Variants in SLC6A2 observed in about 807,000 individuals in gnomAD.
The protein encoded by SLC6A2 is sodium-dependent noradrenaline transporter.
In SLC6A2, 26 loss-of-function variants were observed where a neutral mutation model predicts 71.7. The ratio of observed to expected loss-of-function variants is 0.36; its 90% CI spans 0.27 to 0.50. The LOEUF is 0.50. SLC6A2 is among the 20% of genes least tolerant of loss of function. SLC6A2 has a pLI of 0.96. For synonymous variants in SLC6A2, 363 were observed against 337.9 expected (o/e 1.07, Z -0.82); for missense variants, 581 against 803.9 (o/e 0.72, Z 3.35).
At chr16:55,678,606 T>A (rs901048918) in intron 4 of SLC6A2, among the ~76,000 whole-genome samples, 1 of 152,134 alleles carries the variant, frequency 6.6e-6, no homozygotes, top group Non-Finnish European at 1.5e-5. Flanking sequence ...TGTAACTTTA[T>A]GTGTAAAAGG....
At chr16:55,684,115 T>C (rs1399631159) in intron 4 of SLC6A2, among the ~76,000 whole-genome samples, 2 of 151,980 alleles carry the variant, frequency 1.3e-5, no homozygotes, top group South Asian at 2.1e-4. Flanking sequence ...CTGGGCAACA[T>C]GGCAAAACCC....
chr16:55,700,392 GA>G, intron 13 of SLC6A2, 86 bp downstream of exon 13: 2 of 1,182,012 alleles, frequency 1.7e-6, no homozygotes, highest in Middle Eastern at 2.8e-4. Context: ...TGGGGTGGGG[GA>G]AGGGACAGAA....
At chr16:55,686,570 G>A (rs36015) in intron 5 of SLC6A2, among the ~76,000 whole-genome samples, 2,372 of 152,246 alleles carry the variant, frequency 0.016, 28 homozygotes, top group South Asian at 0.03. Flanking sequence ...TGTCAATTTG[G>A]GAGAATCCTC....
intron 4 of SLC6A2, among the ~76,000 whole-genome samples, chr16:55,682,480 GT>G (rs1965304639): frequency 6.6e-6 from 1 of 152,166 alleles, no homozygotes; most frequent in South Asian, 2.1e-4. Flanking sequence ...GGATTGTTGG[GT>G]TTAGCAAGAA....
In SLC6A2 at chr16:55,702,472, C is replaced by T; in HGVS notation, c.*126C>T. On this transcript the variant is annotated 3_prime_UTR_variant, in exon 15 of 15. Transcript: ENST00000568943. ...AAGTTGTCCTTTCTGATCCTCTCTT[C>T]TTTTCCCATTTACAAATGATTTCGT... is the stretch of plus-strand genomic sequence containing the variant. 6.3e-7 allele frequency: 1 copy of T among 1,577,798 alleles called. No individual in the cohort carries two copies. Among genetic ancestry groups the T allele is most frequent in the Non-Finnish European group, 8.6e-7 (1 of 1,160,716 alleles).
chr16:55,693,919 C>A, intron 6 of SLC6A2, 91 bp from the exon 7 acceptor site: 1 of 871,886 alleles, frequency 1.1e-6, no homozygotes, highest in Non-Finnish European at 2.0e-6. Flanking sequence ...GGTCTCAGAG[C>A]ATCCCCAGGG....
rs556836182 is a variant in SLC6A2, at chr16:55,702,408, G to A, written c.*62G>A. On this transcript the variant is annotated 3_prime_UTR_variant, in exon 15 of 15. Transcript: ENST00000568943. ...TGTCCAGGTCACAGGCATCCGCTGC[G>A]CTCCCACCTCGGACACCATCTTGGG... is the stretch of plus-strand genomic sequence containing the variant. 279 of 1,614,004 alleles carry A rather than the reference G, an allele frequency of 1.7e-4. No individual in the cohort carries two copies. The highest frequency in any genetic ancestry group is 9.9e-4 in the Middle Eastern group (6 of 6,062).
chr16:55,697,306 A>T (rs1404124667), intron 9 of SLC6A2, among the ~76,000 whole-genome samples: 1 of 152,146 alleles, frequency 6.6e-6, no homozygotes, highest in African/African-American at 2.4e-5. Context: ...GGGAGAGGAG[A>T]GGAGAGTGGT....
intron 5 of SLC6A2, among the ~76,000 whole-genome samples, chr16:55,688,743 A>G (rs1965530260): frequency 6.6e-6 from 1 of 152,150 alleles, no homozygotes; most frequent in South Asian, 2.1e-4. Context: ...ACCTTGATCT[A>G]GGCAGCCATT....
At chr16:55,691,693 T>C (rs1314384053) in intron 5 of SLC6A2, among the ~76,000 whole-genome samples, 1 of 152,186 alleles carries the variant, frequency 6.6e-6, no homozygotes, top group East Asian at 1.9e-4. Context: ...ACTCTCACCC[T>C]GGGTTCTGAG....
chr16:55,702,877 G>A lies in SLC6A2; in HGVS notation c.*531G>A, dbSNP rs578178290. 1.0e-6 allele frequency: 1 copy of A among 990,846 alleles called. No individual in the cohort carries two copies. Among genetic ancestry groups the A allele is most frequent in the Admixed American group, 5.7e-5 (1 of 17,476 alleles). 61.4% of individuals were successfully genotyped at this position (990,846 alleles called of 1,614,324 possible). On this transcript the variant is annotated 3_prime_UTR_variant, in exon 15 of 15. Transcript: ENST00000568943. ...ACAGCCCTCTCATGTCTGAACCTCA[G>A]CCTGGGAGTTAGATTTATTTGTCTC...
At chr16:55,665,044 G>A (rs537019523) in intron 2 of SLC6A2, among the ~76,000 whole-genome samples, 17 of 152,288 alleles carry the variant, frequency 1.1e-4, no homozygotes, top group African/African-American at 3.6e-4. Context: ...TCTGCAAGGC[G>A]GGTGGACATA....
intron 14 of SLC6A2, among the ~76,000 whole-genome samples, 189 bp downstream of exon 14, chr16:55,702,123 G>T (rs989135530): frequency 1.1e-4 from 16 of 152,246 alleles, no homozygotes; most frequent in African/African-American, 3.9e-4. Flanking sequence ...CCTCAGGCTT[G>T]CCCTGTGACT....
chr16:55,677,454 T>C lies in SLC6A2; in HGVS notation c.644+5279T>C, dbSNP rs148435642. Among the ~76,000 whole-genome samples the C allele has an allele frequency of 4.0e-4, 61 of 152,292 alleles. No homozygotes were observed. In the East Asian group the frequency reaches 6.0e-3, roughly 15 times the overall value. ...AGTTAGCATTTGATTCCTCCGCTGATGTCTTCATGGCTAGTATGTCGGCCC... is the reference window on the plus strand; with the variant it reads ...AGTTAGCATTTGATTCCTCCGCTGACGTCTTCATGGCTAGTATGTCGGCCC... On this transcript the variant is annotated intron_variant, in intron 4 of 14. Transcript: ENST00000568943.
chr16:55,658,934 C>A (rs1364091718), intron 2 of SLC6A2, among the ~76,000 whole-genome samples: 1 of 152,138 alleles, frequency 6.6e-6, no homozygotes, highest in Non-Finnish European at 1.5e-5. Context: ...TTAAGCATGG[C>A]TGTTTGGGCC....
At chr16:55,675,537 G>T (rs140129450) in intron 4 of SLC6A2, among the ~76,000 whole-genome samples, 2 of 152,134 alleles carry the variant, frequency 1.3e-5, no homozygotes, top group African/African-American at 4.8e-5. Context: ...TGGCCTGGGG[G>T]CCGTGGTGTG....
intron 11 of SLC6A2, 64 bp from the exon 12 acceptor site, chr16:55,699,490 T>C (rs1227330696): frequency 3.1e-6 from 4 of 1,300,842 alleles, no homozygotes; most frequent in Middle Eastern, 1.9e-4. Flanking sequence ...CAGAACCTCA[T>C]GGGAGGACCT....
chr16:55,672,104 C>T lies in SLC6A2; in HGVS notation c.573C>T (p.Leu191=). ...NSPNCTDPKL[L]NGSVLGNHTK... is the part of the protein sequence containing the mutation. The stretch of plus-strand genomic sequence containing the variant: ...CCAACTGTACCGACCCCAAGCTCCT[C>T]AATGGCTCCGTGCTTGGCAACCACA... The change falls in exon 4 of 15, where the codon CTC becomes CTT. Residue 191 remains leucine (L), a synonymous_variant. Coordinates refer to ENST00000568943, the MANE Select transcript of SLC6A2 (RefSeq NM_001172501.3). The T allele has an allele frequency of 1.2e-6, 2 of 1,614,204 alleles. No individual in the cohort carries two copies. The highest frequency in any genetic ancestry group is 1.3e-5 in the African/African-American group (1 of 75,060).
chr16:55,702,288 C>T (rs778379468), intron 14 of SLC6A2, 35 bp from the exon 15 acceptor site: 60 of 1,611,428 alleles, frequency 3.7e-5, no homozygotes, highest in Non-Finnish European at 3.6e-5. Context: ...TCTGTCCCCA[C>T]CATGTCATCA....
Sources: allele counts gnomAD v4.1 joint callset (sites outside exome capture counted in the v4.1 genomes callset), GRCh38; gene constraint gnomAD v4.1.1; transcripts MANE v1.5; gene names NCBI Gene and HGNC (gene_info 2026-07-23, HGNC 2026-07-21).